Variants in SAXO1 observed in about 807,000 individuals in gnomAD.
The protein encoded by SAXO1 is stabilizer of axonemal microtubules 1.
Under a neutral mutation model 17.5 loss-of-function variants are expected in SAXO1, and 21 were observed. That is an observed-to-expected ratio of 1.20 (90% confidence interval 0.85 to 1.72). SAXO1 has a LOEUF of 1.72. Among genes scored for constraint, SAXO1 ranks in the 40% most tolerant of loss-of-function variants. The pLI, the probability that SAXO1 is intolerant of heterozygous loss-of-function variation, is 0.00. For missense variants in SAXO1, 843 were observed against 596.0 expected, an observed-to-expected ratio of 1.41 and a Z score of -4.32; for synonymous variants, 274 against 216.5, an observed-to-expected ratio of 1.27 and a Z score of -2.33.
intron 1 of SAXO1, among the ~76,000 whole-genome samples, chr9:19,039,281 T>A (rs1836018065): frequency 6.6e-6 from 1 of 152,244 alleles, no homozygotes; most frequent in South Asian, 2.1e-4. Context: ...GTTATTGCTG[T>A]TGCGCTGCTT....
At chr9:18,961,413 T>C (rs2131758036) in intron 1 of SAXO1, among the ~76,000 whole-genome samples, 1 of 152,328 alleles carries the variant, frequency 6.6e-6, no homozygotes, top group Middle Eastern at 3.4e-3. Context: ...TAGGTATACA[T>C]GTGCCATGGT....
chr9:18,945,523 T>C (rs1028820211), intron 2 of SAXO1, among the ~76,000 whole-genome samples: 4 of 152,228 alleles, frequency 2.6e-5, no homozygotes, highest in Admixed American at 6.5e-5. Context: ...CCTAGGCAGC[T>C]TGGGGAGTCC....
chr9:19,047,433 A>G (rs1272140844), intron 1 of SAXO1, among the ~76,000 whole-genome samples: 1 of 152,232 alleles, frequency 6.6e-6, no homozygotes, highest in Non-Finnish European at 1.5e-5. Context: ...AGGAGTATTC[A>G]CATGACAGAA....
chr9:18,980,793 A>AAAAT, intron 1 of SAXO1, among the ~76,000 whole-genome samples: 1 of 150,880 alleles, frequency 6.6e-6, no homozygotes, highest in African/African-American at 2.4e-5. Context: ...AAAAAAAAAA[A>AAAAT]AAAAAAGCCT....
intron 2 of SAXO1, among the ~76,000 whole-genome samples, chr9:18,946,982 GA>G (rs1346492464): frequency 6.6e-6 from 1 of 152,104 alleles, no homozygotes; most frequent in Non-Finnish European, 1.5e-5. Context: ...AAAGATTGGG[GA>G]AAAGAAGTGA....
intron 2 of SAXO1, 151 bp from the exon 3 acceptor site, chr9:18,941,990 C>T: frequency 1.4e-6 from 1 of 696,566 alleles, no homozygotes; most frequent in Non-Finnish European, 2.4e-6. Context: ...TCCTCTATTT[C>T]CCACTTTTGA....
intron 1 of SAXO1, among the ~76,000 whole-genome samples, chr9:18,952,864 T>C (rs1415486387): frequency 6.6e-6 from 1 of 152,218 alleles, no homozygotes; most frequent in African/African-American, 2.4e-5. Flanking sequence ...GTATTTCTAT[T>C]TTATACCCCT....
intron 1 of SAXO1, among the ~76,000 whole-genome samples, chr9:18,998,019 G>C: frequency 6.6e-6 from 1 of 152,148 alleles, no homozygotes; most frequent in Non-Finnish European, 1.5e-5. Context: ...AGAAACCAGA[G>C]CAGAAAGGCT....
chr9:19,034,575 A>T (rs773659428), upstream of SAXO1, among the ~76,000 whole-genome samples: 2 of 152,188 alleles, frequency 1.3e-5, no homozygotes, highest in Non-Finnish European at 2.9e-5. Context: ...TTACAGAGAG[A>T]GAGTTCCAAC....
upstream of SAXO1, among the ~76,000 whole-genome samples, chr9:19,034,883 TCAG>T (rs1183533669): frequency 6.6e-6 from 1 of 152,194 alleles, no homozygotes; most frequent in Non-Finnish European, 1.5e-5. Context: ...CATAAATCTT[TCAG>T]CAGAAGAATG....
At chr9:19,026,747 TG>T (rs1205082513) in intron 1 of SAXO1, 3 of 401,166 alleles carry the variant, frequency 7.5e-6, no homozygotes, top group Non-Finnish European at 1.4e-5. Context: ...TATAAAATGC[TG>T]GGCCGGGCGT....
At chr9:19,026,966 C>G (rs142676951) in intron 1 of SAXO1, 1 of 903,026 alleles carries the variant, frequency 1.1e-6, no homozygotes, top group Non-Finnish European at 1.9e-6. Flanking sequence ...CGGAGGAGAT[C>G]ATCCAGCGCA....
chr9:19,007,106 T>G (rs1278453027), intron 1 of SAXO1, among the ~76,000 whole-genome samples: 5 of 151,670 alleles, frequency 3.3e-5, no homozygotes, highest in African/African-American at 1.2e-4. Context: ...CCCAGCACTT[T>G]GGGAGGCCGA....
intron 2 of SAXO1, among the ~76,000 whole-genome samples, chr9:18,950,115 C>A (rs75486233): frequency 1.3e-5 from 2 of 152,092 alleles, no homozygotes; most frequent in Admixed American, 6.5e-5. Context: ...CTTTTCTGCA[C>A]CCCCTCAGTA....
At chr9:18,946,813 T>TA (rs569573491) in intron 2 of SAXO1, among the ~76,000 whole-genome samples, 201 of 152,108 alleles carry the variant, frequency 1.3e-3, no homozygotes, top group Admixed American at 2.4e-3. Context: ...AGAAACTATA[T>TA]AAAACAAGAA....
chr9:19,030,828 C>A (rs917719518), intron 1 of SAXO1, among the ~76,000 whole-genome samples: 1 of 152,192 alleles, frequency 6.6e-6, no homozygotes, highest in East Asian at 1.9e-4. Flanking sequence ...GGGCAGATAC[C>A]AGAATAATGT....
At chr9:18,980,552 A>AGAG (rs1554675127) in intron 1 of SAXO1, among the ~76,000 whole-genome samples, 10 of 131,512 alleles carry the variant, frequency 7.6e-5, no homozygotes, top group Admixed American at 1.5e-4. Flanking sequence ...GAGGGAGGGA[A>AGAG]GAGGAAGAAG....
intron 3 of SAXO1, among the ~76,000 whole-genome samples, chr9:18,940,913 G>A (rs138767587): frequency 1.1e-4 from 16 of 152,240 alleles, no homozygotes; most frequent in East Asian, 3.9e-4. Context: ...CAAAACTGGC[G>A]AAACTAATTT....
chr9:19,015,188 G>A (rs143316173), intron 1 of SAXO1, among the ~76,000 whole-genome samples: 1 of 152,114 alleles, frequency 6.6e-6, no homozygotes, highest in African/African-American at 2.4e-5. Flanking sequence ...TCTTAAAATT[G>A]TATCCCTTCC....
Sources: allele counts gnomAD v4.1 joint callset (sites outside exome capture counted in the v4.1 genomes callset), GRCh38; gene constraint gnomAD v4.1.1; transcripts MANE v1.5; gene names NCBI Gene and HGNC (gene_info 2026-07-23, HGNC 2026-07-21).